Variants in C3orf70 observed in about 807,000 individuals in gnomAD.
The protein encoded by C3orf70 is chromosome 3 open reading frame 70.
A neutral mutation model predicts 20.7 loss-of-function variants in C3orf70; 15 were observed. The observed-to-expected ratio is 0.72, with a 90% CI of 0.48 to 1.11. C3orf70 has a LOEUF of 1.11. C3orf70 is among the 50% of genes most tolerant of loss of function. C3orf70 has a pLI of 0.00. For synonymous variants in C3orf70, 161 were observed against 125.7 expected (o/e 1.28, Z -1.88); for missense variants, 332 against 317.6 (o/e 1.05, Z -0.34).
intron 1 of C3orf70, among the ~76,000 whole-genome samples, chr3:185,097,937 A>G (rs577470595): frequency 2.1e-4 from 32 of 152,350 alleles, no homozygotes; most frequent in African/African-American, 7.5e-4. Flanking sequence ...TTATGGTTTT[A>G]GCCTGATAAT....
chr3:185,084,810 T>G (rs1020650284), intron 1 of C3orf70, among the ~76,000 whole-genome samples: 4 of 152,172 alleles, frequency 2.6e-5, no homozygotes, highest in Non-Finnish European at 5.9e-5. Context: ...TAAAGTGATT[T>G]CAAAACAAAA....
chr3:185,112,440 T>C (rs1470488774), intron 1 of C3orf70, among the ~76,000 whole-genome samples: 1 of 152,230 alleles, frequency 6.6e-6, no homozygotes, highest in Non-Finnish European at 1.5e-5. Flanking sequence ...CTTTCTCCCA[T>C]CCATTTAGAC....
At chr3:185,096,417 T>A (rs952683436) in intron 1 of C3orf70, among the ~76,000 whole-genome samples, 2 of 151,992 alleles carry the variant, frequency 1.3e-5, no homozygotes, top group African/African-American at 4.8e-5. Flanking sequence ...ATAAAGGGAG[T>A]CATTCCACAG....
chr3:185,151,149 C>T (rs373739169), intron 1 of C3orf70, among the ~76,000 whole-genome samples: 13 of 152,264 alleles, frequency 8.5e-5, no homozygotes, highest in East Asian at 7.7e-4. Flanking sequence ...GATTTCAGCT[C>T]CATATAAGGA....
In C3orf70 at chr3:185,081,082, G is replaced by C. The variant is rs1475859028; in HGVS notation, c.*1925C>G. 5 of 152,196 alleles carry C rather than the reference G, an allele frequency of 3.3e-5. No homozygotes were observed. The East Asian group carries it at 9.7e-4, about 29-fold the overall frequency. The allele number at this position is 152,196 out of a possible 1,614,324, so 9.4% of individuals were successfully genotyped here. On this transcript the variant is annotated 3_prime_UTR_variant, in exon 2 of 2. Transcript: ENST00000335012. The stretch of plus-strand genomic sequence containing the variant: ...GCAAATTCTTCCTTGAGTAGTTTGT[G>C]AATGATGCCAAATGGAGGCTTCAGG...
At chr3:185,090,226 T>C (rs1411109217) in intron 1 of C3orf70, among the ~76,000 whole-genome samples, 1 of 152,194 alleles carries the variant, frequency 6.6e-6, no homozygotes, top group Non-Finnish European at 1.5e-5. Flanking sequence ...ATATAATTCC[T>C]TGAAGATGTT....
At chr3:185,101,936 G>A (rs536903108) in intron 1 of C3orf70, among the ~76,000 whole-genome samples, 1 of 152,224 alleles carries the variant, frequency 6.6e-6, no homozygotes, top group South Asian at 2.1e-4. Context: ...AAAATAATAA[G>A]AACCATCTAT....
chr3:185,083,458 A>G lies in C3orf70; in HGVS notation c.302T>C (p.Leu101Pro). The G allele has an allele frequency of 6.2e-7, 1 of 1,614,138 alleles. No homozygotes were observed. Among genetic ancestry groups the G allele is most frequent in the Non-Finnish European group, 8.5e-7 (1 of 1,180,024 alleles). The change falls in exon 2 of 2, where the codon CTC (leucine) becomes CCC (proline). Residue 101 changes from leucine (L) to proline (P), a missense_variant. Physicochemically the swap from Leu to Pro is moderately conservative, Grantham distance 98. Transcript: ENST00000335012. ...TGCAAATTTCAAAAAGTGTTCGGTG[A>G]GCGAGACTGAGATCTGAATGGTGTT... Reference protein sequence around the residue: ...PTNTIQISVSLTEHFLKFASV... With the variant: ...PTNTIQISVSPTEHFLKFASV...
At chr3:185,129,522 G>A (rs1577331210) in intron 1 of C3orf70, among the ~76,000 whole-genome samples, 2 of 152,212 alleles carry the variant, frequency 1.3e-5, no homozygotes, top group East Asian at 3.8e-4. Flanking sequence ...ATCGTGAATA[G>A]TGCTGTGGTG....
At chr3:185,129,749 C>T (rs1281536767) in intron 1 of C3orf70, among the ~76,000 whole-genome samples, 2 of 152,170 alleles carry the variant, frequency 1.3e-5, no homozygotes, top group African/African-American at 2.4e-5. Context: ...TAATAGAAGG[C>T]AATGTTAAAC....
At position 185,121,837 on chromosome 3, in the gene C3orf70, C is replaced by T. The variant is rs538277967; in HGVS notation, c.196+30791G>A. 3.3e-5 allele frequency among the ~76,000 whole-genome samples: 5 copies of T among 152,238 alleles called. No individual in the cohort carries two copies. In the East Asian group the frequency reaches 7.7e-4, roughly 24 times the overall value. On this transcript the variant is annotated intron_variant, in intron 1 of 1. Coordinates refer to ENST00000335012, the MANE Select transcript of C3orf70 (RefSeq NM_001025266.3). ...GAGCATGGCCGGGCATGGTGGCTCA[C>T]GCCTGTAATCCCAGCGCTTTGGGAG...
Position 185,152,929 on chromosome 3 carries a change from C to G in C3orf70, c.-106G>C. On this transcript the variant is annotated 5_prime_UTR_variant, in exon 1 of 2. Transcript: ENST00000335012. ...GGACGCGGGAGGGCGCGGCACGGGCCGGGAGTCACGCCAGCACGCGGCGGC... is the reference window on the plus strand; with the variant it reads ...GGACGCGGGAGGGCGCGGCACGGGCGGGGAGTCACGCCAGCACGCGGCGGC... The G allele has an allele frequency of 2.8e-6, 3 of 1,068,436 alleles. No homozygotes were observed. The highest frequency in any genetic ancestry group is 3.7e-6 in the Non-Finnish European group (3 of 811,506). The allele number at this position is 1,068,436 out of a possible 1,614,324, so 66.2% of individuals were successfully genotyped here. A position where few individuals can be genotyped will look rare whatever the true frequency, so the allele number is the denominator to read the frequency against.
chr3:185,143,309 G>A (rs1188544198), intron 1 of C3orf70, among the ~76,000 whole-genome samples: 1 of 152,142 alleles, frequency 6.6e-6, no homozygotes, highest in East Asian at 1.9e-4. Flanking sequence ...AAGCAAATGA[G>A]TCCAACAGAT....
chr3:185,108,446 G>A (rs893359363), intron 1 of C3orf70, among the ~76,000 whole-genome samples: 5 of 152,232 alleles, frequency 3.3e-5, no homozygotes, highest in African/African-American at 1.2e-4. Context: ...TCATACAAGT[G>A]ATGAACAACT....
At chr3:185,129,783 T>A (rs1453563644) in intron 1 of C3orf70, among the ~76,000 whole-genome samples, 5 of 152,228 alleles carry the variant, frequency 3.3e-5, no homozygotes, top group African/African-American at 9.6e-5. Context: ...AAAATATTTA[T>A]ATTCAAACAA....
chr3:185,122,823 C>A (rs2095192819), intron 1 of C3orf70, among the ~76,000 whole-genome samples: 1 of 151,906 alleles, frequency 6.6e-6, no homozygotes, highest in Admixed American at 6.6e-5. Context: ...TCTCTGAGAG[C>A]TGAGAAAGGC....
intron 1 of C3orf70, among the ~76,000 whole-genome samples, chr3:185,100,411 T>G (rs1472715814): frequency 6.6e-6 from 1 of 152,028 alleles, no homozygotes; most frequent in Non-Finnish European, 1.5e-5. Context: ...ACCATACAAT[T>G]ATATGGAAGT....
chr3:185,121,014 G>A (rs926382017), intron 1 of C3orf70, among the ~76,000 whole-genome samples: 1 of 152,172 alleles, frequency 6.6e-6, no homozygotes, highest in African/African-American at 2.4e-5. Context: ...TAAAGAAAAT[G>A]TGGTATATAT....
At chr3:185,109,368 C>G (rs1213843699) in intron 1 of C3orf70, among the ~76,000 whole-genome samples, 3 of 152,192 alleles carry the variant, frequency 2.0e-5, no homozygotes, top group Admixed American at 6.5e-5. Flanking sequence ...AAATCAACAG[C>G]TGATTTGGAT....
Sources: gnomAD v4.1 joint callset for allele counts (sites outside exome capture counted in the v4.1 genomes callset) on GRCh38, gnomAD v4.1.1 for gene constraint, MANE v1.5 for transcripts, NCBI Gene and HGNC (gene_info 2026-07-23, HGNC 2026-07-21) for gene names.